Variants in REXO5 observed in about 807,000 individuals in gnomAD.
REXO5 encodes RNA exonuclease 5.
REXO5 carries 48 observed loss-of-function variants against 88.5 expected under a neutral mutation model. That is an observed-to-expected ratio of 0.54 (90% CI 0.43 to 0.69). The LOEUF (loss-of-function observed/expected upper bound fraction) is 0.69, where lower values mean the gene tolerates loss of function less well. Among genes scored for constraint, REXO5 ranks in the 30% least tolerant of loss-of-function variants. The pLI is 0.00. For missense variants in REXO5, 749 were observed against 912.2 expected (o/e 0.82, Z 2.30); for synonymous variants, 311 against 336.5 (o/e 0.92, Z 0.83).
Position 20,843,215 on chromosome 16 carries a change from A to G in REXO5, c.1627-719A>G, listed in dbSNP as rs895830876. 2.0e-5 allele frequency among the ~76,000 whole-genome samples: 3 copies of G among 151,942 alleles called. 1 individual carries two copies. Among genetic ancestry groups the G allele is most frequent in the Admixed American group, 2.0e-4 (3 of 15,264 alleles). ...CTCTGCAGTGTTTGCCCATTTTTAA[A>G]TCAGGTTGTTTGGCTTTTTTATTGT... On this transcript the variant is annotated intron_variant, in intron 15 of 19. Coordinates refer to ENST00000261377, the MANE Select transcript of REXO5 (RefSeq NM_030941.3).
chr16:20,807,950 C>T (rs943333496), intron 2 of REXO5, among the ~76,000 whole-genome samples: 1 of 152,142 alleles, frequency 6.6e-6, no homozygotes, highest in African/African-American at 2.4e-5. Context: ...TGTTAGGAAC[C>T]GGGCCACAAA....
At chr16:20,813,504 AT>A (rs2081034601) in intron 3 of REXO5, among the ~76,000 whole-genome samples, 1 of 152,000 alleles carries the variant, frequency 6.6e-6, no homozygotes, top group Non-Finnish European at 1.5e-5. Context: ...AAAAATCTAC[AT>A]TTTCTTCTTC....
chr16:20,845,013 C>T (rs375598614), intron 17 of REXO5, 41 bp from the exon 18 acceptor site: 88 of 1,598,854 alleles, frequency 5.5e-5, no homozygotes, highest in Non-Finnish European at 6.9e-5. Flanking sequence ...GATCAGCTTT[C>T]TTGGCCCTTA....
chr16:20,840,126 A>G (rs1011140713), intron 14 of REXO5: 3 of 531,784 alleles, frequency 5.6e-6, no homozygotes, highest in Non-Finnish European at 9.9e-6. Context: ...ATGGCTACAT[A>G]GTATTCTGCT....
rs990593262 is a variant in REXO5 at position 20,827,341 on chromosome 16, T to C, written c.961-12T>C. On this transcript the variant is annotated splice_polypyrimidine_tract_variant and intron_variant, in intron 9 of 19. Transcript: ENST00000261377. ...ATAAGACACTACTCATTTTATTCTC[T>C]TTCTTCCTCAGATGATACATCCATA... The C allele has an allele frequency of 6.2e-7, 1 of 1,609,800 alleles. No homozygotes were observed. Among genetic ancestry groups the C allele is most frequent in the African/African-American group, 1.3e-5 (1 of 74,808 alleles).
intron 19 of REXO5, among the ~76,000 whole-genome samples, chr16:20,847,217 C>G (rs2081619884): frequency 6.7e-6 from 1 of 149,752 alleles, no homozygotes; most frequent in African/African-American, 2.5e-5. Context: ...CAAGACCAGA[C>G]TAGGCAACAT....
At chr16:20,815,881 A>G (rs2081074159) in intron 4 of REXO5, among the ~76,000 whole-genome samples, 1 of 152,236 alleles carries the variant, frequency 6.6e-6, no homozygotes, top group Non-Finnish European at 1.5e-5. Flanking sequence ...TCTAAGTTGT[A>G]TATTTCTGTA....
chr16:20,842,866 G>A (rs2152512236), intron 15 of REXO5, among the ~76,000 whole-genome samples: 1 of 152,308 alleles, frequency 6.6e-6, no homozygotes, highest in Admixed American at 6.5e-5. Context: ...CCCAGAAGTG[G>A]AATTGATGGA....
Position 20,840,390 on chromosome 16 carries a change from C to T in REXO5, c.1548C>T (p.Cys516=). The change falls in exon 15 of 20, where the codon TGC becomes TGT. Residue 516 remains cysteine, a synonymous_variant. Transcript: ENST00000261377. Reference sequence around the variant, plus strand: ...ATGCTGGGCCATTTAGCAAAAATTGCAATCTCAGGGCTCTGAAGAGGCTGT... The same window carrying T: ...ATGCTGGGCCATTTAGCAAAAATTGTAATCTCAGGGCTCTGAAGAGGCTGT... ...TVYAGPFSKN[C]NLRALKRLFK... 1 of 1,587,160 alleles carries T rather than the reference C, an allele frequency of 6.3e-7. No individual in the cohort carries two copies. The highest frequency in any genetic ancestry group is 8.6e-7 in the Non-Finnish European group (1 of 1,160,134).
intron 3 of REXO5, 48 bp downstream of exon 3, chr16:20,813,350 T>C (rs1567382352): frequency 3.2e-4 from 286 of 882,210 alleles, no homozygotes; most frequent in Non-Finnish European, 3.9e-4. Flanking sequence ...GTTTCTTTTT[T>C]TTTTTTTTTT....
chr16:20,819,217 A>G (rs1378614885), intron 5 of REXO5, among the ~76,000 whole-genome samples: 1 of 152,044 alleles, frequency 6.6e-6, no homozygotes, highest in South Asian at 2.1e-4. Flanking sequence ...ACCTGCGCAT[A>G]TCTTTATAAT....
In REXO5 at chr16:20,827,346, TC is replaced by T; in HGVS notation, c.961-5del. On this transcript the variant is annotated splice_polypyrimidine_tract_variant and splice_region_variant and intron_variant, in intron 9 of 19. Transcript: ENST00000261377. Reference sequence around the variant, plus strand: ...ACACTACTCATTTTATTCTCTTTCTTCCTCAGATGATACATCCATATGTTAT... The same window carrying T: ...ACACTACTCATTTTATTCTCTTTCTTCTCAGATGATACATCCATATGTTAT... The T allele has an allele frequency of 6.2e-7, 1 of 1,610,726 alleles. No individual in the cohort carries two copies. The highest frequency in any genetic ancestry group is 8.5e-7 in the Non-Finnish European group (1 of 1,177,584).
At chr16:20,847,382 G>T (rs2081624483) in intron 19 of REXO5, among the ~76,000 whole-genome samples, 1 of 150,174 alleles carries the variant, frequency 6.7e-6, no homozygotes, top group South Asian at 2.1e-4. Context: ...GTTGCAGTGA[G>T]CTGAGATTGC....
At chr16:20,807,543 A>G (rs1304766317) in intron 2 of REXO5, among the ~76,000 whole-genome samples, 1 of 147,872 alleles carries the variant, frequency 6.8e-6, no homozygotes, top group Non-Finnish European at 1.5e-5. Flanking sequence ...AGACCACGCC[A>G]TTACACTCCA....
At chr16:20,836,680 G>A (rs1402201765) in intron 13 of REXO5, among the ~76,000 whole-genome samples, 1 of 152,200 alleles carries the variant, frequency 6.6e-6, no homozygotes, top group Admixed American at 6.5e-5. Flanking sequence ...GTAAGAATAT[G>A]TTTAGTCTTG....
At chr16:20,816,351 C>G in intron 5 of REXO5, 139 bp downstream of exon 5, 1 of 638,472 alleles carries the variant, frequency 1.6e-6, no homozygotes, top group South Asian at 2.1e-5. Flanking sequence ...AAACGGGGGT[C>G]TCACTCTTGT....
chr16:20,847,941 G>C (rs1196799234), intron 19 of REXO5, among the ~76,000 whole-genome samples: 1 of 152,244 alleles, frequency 6.6e-6, no homozygotes, highest in Non-Finnish European at 1.5e-5. Flanking sequence ...GGTGAAGCCA[G>C]AGGAGGAAGT....
Position 20,844,127 on chromosome 16 carries a change from C to T in REXO5, c.1719+101C>T, listed in dbSNP as rs192971341. 29 of 693,304 alleles carry T rather than the reference C, an allele frequency of 4.2e-5. 1 individual carries two copies. The highest frequency in any genetic ancestry group is 7.1e-5 in the Non-Finnish European group (28 of 394,818). 42.9% of individuals were successfully genotyped at this position (693,304 alleles called of 1,614,324 possible). A position where few individuals can be genotyped will look rare whatever the true frequency, so the allele number is the denominator to read the frequency against. On this transcript the variant is annotated intron_variant, in intron 16 of 19. Transcript: ENST00000261377. ...ATAGGAAACACTCTCAAGAGGCCCACGCACAAGACTTTGTTATGGAAAGTC... is the reference window on the plus strand; with the variant it reads ...ATAGGAAACACTCTCAAGAGGCCCATGCACAAGACTTTGTTATGGAAAGTC...
intron 11 of REXO5, among the ~76,000 whole-genome samples, chr16:20,830,228 C>A (rs1226566964): frequency 6.6e-6 from 1 of 152,020 alleles, no homozygotes; most frequent in Admixed American, 6.6e-5. Flanking sequence ...ACTCTGTTTC[C>A]CAGGCTGGAG....
Sources: allele counts gnomAD v4.1 joint callset (sites outside exome capture counted in the v4.1 genomes callset), GRCh38; gene constraint gnomAD v4.1.1; transcripts MANE v1.5; gene names NCBI Gene and HGNC (gene_info 2026-07-23, HGNC 2026-07-21).